The following KLHL30 variants were observed in gnomAD, a reference collection of about 807,000 sequenced individuals.
KLHL30 encodes kelch-like protein 30.
A neutral mutation model predicts 55.0 loss-of-function variants in KLHL30; 55 were observed. The ratio of observed to expected loss-of-function variants is 1.00; its 90% CI spans 0.80 to 1.25. The LOEUF is 1.25. Ranked by LOEUF, KLHL30 falls within the 50% of genes most tolerant of loss-of-function variation. The pLI is 0.00. For synonymous variants in KLHL30, 356 were observed against 372.6 expected (o/e 0.96, Z 0.51); for missense variants, 786 against 811.6 (o/e 0.97, Z 0.38).
At chr2:238,139,864 C>T (rs536079767) in intron 1 of KLHL30, among the ~76,000 whole-genome samples, 22 of 152,298 alleles carry the variant, frequency 1.4e-4, no homozygotes, top group African/African-American at 3.6e-4. Context: ...TCTTAGGGTG[C>T]GATACCAGAA....
chr2:238,149,073 T>C lies in KLHL30; in HGVS notation c.1406T>C (p.Leu469Pro), dbSNP rs1428875971. ...KYLSSPRCAA[L>P]HGELYLIGDN... ...CTGTCCTCGCCTCGCTGTGCTGCACTGCACGGGGAGCTCTACCTCATTGGG... is the reference window on the plus strand; with the variant it reads ...CTGTCCTCGCCTCGCTGTGCTGCACCGCACGGGGAGCTCTACCTCATTGGG... Residue 469 changes from leucine to proline, a missense_variant, in exon 7 of 8, where the codon CTG (leucine) becomes CCG (proline). Coordinates refer to ENST00000409223, the MANE Select transcript of KLHL30 (RefSeq NM_198582.4). 3 of 1,613,290 alleles carry C rather than the reference T, an allele frequency of 1.9e-6. No homozygotes were observed. Among genetic ancestry groups the C allele is most frequent in the South Asian group, 2.2e-5 (2 of 91,070 alleles).
At chr2:238,143,069 T>C (rs984695511) in intron 3 of KLHL30, 138 bp downstream of exon 3, 3 of 1,122,326 alleles carry the variant, frequency 2.7e-6, no homozygotes, top group Non-Finnish European at 3.5e-6. Context: ...GGGGCGTGCC[T>C]GGGTGGGCCT....
rs1159456071 is a variant in KLHL30 at position 238,142,550 on chromosome 2, G to A, written c.775-249G>A. ...GAGGCCACCCAGGGAGCAGGGGCAGGGAGAAGCTTATGCGTGGCGCTGCGG... is the reference window on the plus strand; with the variant it reads ...GAGGCCACCCAGGGAGCAGGGGCAGAGAGAAGCTTATGCGTGGCGCTGCGG... On this transcript the variant is annotated intron_variant, in intron 2 of 7. Transcript: ENST00000409223. 1.3e-4 allele frequency among the ~76,000 whole-genome samples: 20 copies of A among 152,190 alleles called. 1 individual carries two copies. Among genetic ancestry groups the A allele is most frequent in the Admixed American group, 1.3e-3 (20 of 15,284 alleles).
rs574845388 is a variant in KLHL30, at chr2:238,140,458, C to T, written c.-70-227C>T. Among the ~76,000 whole-genome samples the T allele has an allele frequency of 2.0e-5, 3 of 152,266 alleles. No homozygotes were observed. The East Asian group carries it at 5.8e-4, about 29-fold the overall frequency. ...TGCCTGGCCATGGGTAGGTCTCCCACCCTCTCTGAACCTCAATTTCCTCAC... is the reference window on the plus strand; with the variant it reads ...TGCCTGGCCATGGGTAGGTCTCCCATCCTCTCTGAACCTCAATTTCCTCAC... On this transcript the variant is annotated intron_variant, in intron 1 of 7. Transcript: ENST00000409223.
At chr2:238,144,418 G>GGAAGGAAGGAAGGAAGGAAT (rs1692603949) in intron 3 of KLHL30, among the ~76,000 whole-genome samples, 16 of 117,220 alleles carry the variant, frequency 1.4e-4, no homozygotes, top group East Asian at 4.9e-4. Context: ...AAGGAAGGAA[G>GGAAGGAAGGAAGGAAGGAAT]GAAGGAAGGA....
intron 3 of KLHL30, among the ~76,000 whole-genome samples, chr2:238,143,387 G>A (rs1161066272): frequency 2.0e-5 from 3 of 152,226 alleles, no homozygotes; most frequent in East Asian, 1.9e-4. Flanking sequence ...CAGCCCAAAC[G>A]GGGTTGTAAT....
chr2:238,151,343 G>C lies in KLHL30; in HGVS notation c.*278G>C. On this transcript the variant is annotated 3_prime_UTR_variant, in exon 8 of 8. Coordinates refer to ENST00000409223, the MANE Select transcript of KLHL30 (RefSeq NM_198582.4). ...GCTCTGCTGCCCCTGGGGTTCCCGA[G>C]ACCTCAGAGAGGGGAGCCGGGGGCC... 1 of 522,684 alleles carries C rather than the reference G, an allele frequency of 1.9e-6. No homozygotes were observed. Among genetic ancestry groups the C allele is most frequent in the East Asian group, 3.2e-5 (1 of 31,246 alleles). 32.4% of individuals were successfully genotyped at this position (522,684 alleles called of 1,614,324 possible).
rs1382190274 is a variant in KLHL30 at position 238,149,146 on chromosome 2, G to C, written c.1479G>C (p.Trp493Cys). ...TGTACGACCCCGGGGCCAACCTGTG[G>C]CAGAAGGTGGGCCGCCCCCTCCCCC... ...VYVYDPGANL[W>C]QKVQSQHSLH... The change falls in exon 7 of 8, where the codon TGG (tryptophan) becomes TGC (cysteine). Residue 493 changes from tryptophan to cysteine, a missense_variant. By Grantham distance (215) the Trp-to-Cys change is radical (BLOSUM62 -2). Coordinates refer to ENST00000409223, the MANE Select transcript of KLHL30 (RefSeq NM_198582.4). The C allele has an allele frequency of 1.2e-6, 2 of 1,612,550 alleles. No individual in the cohort carries two copies. Among genetic ancestry groups the C allele is most frequent in the African/African-American group, 2.7e-5 (2 of 74,938 alleles).
In KLHL30 at chr2:238,145,673, G is replaced by C. The variant is rs759900947; in HGVS notation, c.995-4G>C. On this transcript the variant is annotated splice_polypyrimidine_tract_variant and splice_region_variant and intron_variant, in intron 4 of 7. Coordinates refer to ENST00000409223, the MANE Select transcript of KLHL30 (RefSeq NM_198582.4). ...ACCCATGTAGACAGAACTTCTCCCG[G>C]CAGGTGGCTCTCGGGGCACAAAGAC... 1.9e-5 allele frequency: 30 copies of C among 1,572,248 alleles called. No homozygotes were observed. The Admixed American group carries it at 5.5e-4, about 29-fold the overall frequency.
chr2:238,144,408 A>C lies in KLHL30; in HGVS notation c.908-494A>C, dbSNP rs148766570. Among the ~76,000 whole-genome samples the C allele has an allele frequency of 2.2e-3, 268 of 119,420 alleles. 1 individual carries two copies. Among genetic ancestry groups the C allele is most frequent in the East Asian group, 7.3e-3 (27 of 3,724 alleles). 78.3% of individuals were successfully genotyped at this position (119,420 alleles called of 152,430 possible). A position where few individuals can be genotyped will look rare whatever the true frequency, so the allele number is the denominator to read the frequency against. On this transcript the variant is annotated intron_variant, in intron 3 of 7. Transcript: ENST00000409223. ...GAAGGAAGGAAGGAAGGAAGGAAGG[A>C]AGGAAGGAAGGAAGGAAGGAAGGAA...
At chr2:238,143,863 C>G (rs188181787) in intron 3 of KLHL30, among the ~76,000 whole-genome samples, 3 of 152,220 alleles carry the variant, frequency 2.0e-5, no homozygotes, top group Non-Finnish European at 4.4e-5. Context: ...CATGGGGACA[C>G]GGTGCCTGCC....
In KLHL30 at chr2:238,142,874, G is replaced by A. The variant is rs1332191459; in HGVS notation, c.850G>A (p.Ala284Thr). ...VGGQALEEEE[A>T]GEEPTPGLGN... ...CGGGCAGGCGCTGGAGGAGGAGGAG[G>A]CAGGTGAGGAGCCCACCCCCGGCCT... Residue 284 changes from alanine to threonine, a missense_variant, in exon 3 of 8, where the codon GCA becomes ACA. Transcript: ENST00000409223. The A allele has an allele frequency of 6.8e-7, 1 of 1,480,950 alleles. No homozygotes were observed. The allele number at this position is 1,480,950 out of a possible 1,614,324, so 91.7% of individuals were successfully genotyped here.
chr2:238,146,062 G>A (rs1692642979), intron 5 of KLHL30, among the ~76,000 whole-genome samples: 1 of 152,138 alleles, frequency 6.6e-6, no homozygotes. Flanking sequence ...AGCTCCCATT[G>A]CCTCTGTTGT....
chr2:238,146,292 A>G (rs1259762676), intron 5 of KLHL30, among the ~76,000 whole-genome samples: 1 of 151,494 alleles, frequency 6.6e-6, no homozygotes, highest in East Asian at 2.0e-4. Flanking sequence ...AGGCAGGAGG[A>G]CTGCTTGGAG....
intron 3 of KLHL30, 97 bp from the exon 4 acceptor site, chr2:238,144,805 C>T (rs1692618428): frequency 5.6e-6 from 5 of 891,814 alleles, no homozygotes; most frequent in South Asian, 1.4e-5. Flanking sequence ...GGCATTTCTG[C>T]ACCCGGTGCA....
At chr2:238,139,033 C>G (rs999898257) in intron 1 of KLHL30, among the ~76,000 whole-genome samples, 13 of 152,216 alleles carry the variant, frequency 8.5e-5, no homozygotes, top group African/African-American at 2.7e-4. Flanking sequence ...CAGTCGCCAG[C>G]CTGGCTGGGC....
intron 7 of KLHL30, among the ~76,000 whole-genome samples, chr2:238,150,218 C>A (rs894891465): frequency 6.6e-6 from 1 of 152,184 alleles, no homozygotes; most frequent in Non-Finnish European, 1.5e-5. Context: ...CTGCCTTACC[C>A]TCTCCAGGCC....
chr2:238,140,310 C>T (rs1020610307), intron 1 of KLHL30, among the ~76,000 whole-genome samples: 8 of 152,174 alleles, frequency 5.3e-5, no homozygotes, highest in African/African-American at 9.7e-5. Context: ...GGATCTGGGA[C>T]GGAGGACGCC....
chr2:238,150,657 G>T (rs991726882), intron 7 of KLHL30, among the ~76,000 whole-genome samples, 157 bp from the exon 8 acceptor site: 1 of 152,164 alleles, frequency 6.6e-6, no homozygotes, highest in Admixed American at 6.5e-5. Context: ...GAGGGGCTGC[G>T]GTGGGCTGCC....
Sources: allele counts gnomAD v4.1 joint callset (sites outside exome capture counted in the v4.1 genomes callset), GRCh38; gene constraint gnomAD v4.1.1; transcripts MANE v1.5; gene names NCBI Gene and HGNC (gene_info 2026-07-23, HGNC 2026-07-21).